Variants in SLC4A7 observed in about 807,000 individuals in gnomAD.
SLC4A7 encodes sodium bicarbonate cotransporter 3.
In SLC4A7, 51 loss-of-function variants were observed where a neutral mutation model predicts 137.6. That is an observed-to-expected ratio of 0.37 (90% CI 0.30 to 0.47). The LOEUF (loss-of-function observed/expected upper bound fraction) is 0.47, where lower values mean the gene tolerates loss of function less well. Ranked by LOEUF, SLC4A7 falls within the 20% of genes least tolerant of loss-of-function variation. The pLI is 1.00. For missense variants in SLC4A7, 1,247 were observed against 1,525.4 expected, an observed-to-expected ratio of 0.82 and a Z score of 3.04; for synonymous variants, 542 against 518.6, an observed-to-expected ratio of 1.05 and a Z score of -0.61.
intron 3 of SLC4A7, among the ~76,000 whole-genome samples, chr3:27,445,648 C>T (rs896616706): frequency 8.6e-4 from 130 of 150,776 alleles, no homozygotes; most frequent in African/African-American, 2.5e-3. Context: ...CTGGGCGCAG[C>T]GGCTCACACC....
chr3:27,429,290 C>T (rs547172489), intron 7 of SLC4A7, among the ~76,000 whole-genome samples: 2 of 152,000 alleles, frequency 1.3e-5, no homozygotes, highest in Admixed American at 6.6e-5. Flanking sequence ...GAGTTATAAA[C>T]CTTTTCTCCA....
At chr3:27,466,727 C>A (rs541236076) in intron 1 of SLC4A7, among the ~76,000 whole-genome samples, 54 of 151,914 alleles carry the variant, frequency 3.6e-4, no homozygotes, top group African/African-American at 1.3e-3. Flanking sequence ...CGTGCTGGTG[C>A]GCGCCTGTAG....
intron 7 of SLC4A7, among the ~76,000 whole-genome samples, chr3:27,428,452 T>C (rs2055889484): frequency 6.6e-6 from 1 of 152,236 alleles, no homozygotes; most frequent in Non-Finnish European, 1.5e-5. Flanking sequence ...TTATAACTAA[T>C]GTCATAATGA....
At chr3:27,430,550 G>A (rs569333851) in intron 7 of SLC4A7, among the ~76,000 whole-genome samples, 7 of 150,184 alleles carry the variant, frequency 4.7e-5, no homozygotes, top group African/African-American at 1.7e-4. Context: ...AGTCCAGGAG[G>A]TGGAGGTTAC....
At chr3:27,481,092 T>C (rs1447658238) in intron 1 of SLC4A7, among the ~76,000 whole-genome samples, 1 of 152,162 alleles carries the variant, frequency 6.6e-6, no homozygotes, top group East Asian at 1.9e-4. Flanking sequence ...GTAGATTACC[T>C]GCTAAAACTT....
chr3:27,378,498 G>C (rs902053322), intron 25 of SLC4A7, among the ~76,000 whole-genome samples: 1 of 152,176 alleles, frequency 6.6e-6, no homozygotes, highest in Non-Finnish European at 1.5e-5. Context: ...AAGTACTAAT[G>C]ATTACCAAAC....
At chr3:27,459,648 A>G (rs2058587750) in intron 1 of SLC4A7, among the ~76,000 whole-genome samples, 1 of 152,192 alleles carries the variant, frequency 6.6e-6, no homozygotes, top group South Asian at 2.1e-4. Flanking sequence ...TGTTTTATAT[A>G]TAACTTGCTT....
intron 23 of SLC4A7, among the ~76,000 whole-genome samples, chr3:27,384,060 G>C (rs2050697445): frequency 6.6e-6 from 1 of 152,120 alleles, no homozygotes; most frequent in African/African-American, 2.4e-5. Flanking sequence ...GTTAATAATG[G>C]CGGTGATCGA....
intron 1 of SLC4A7, among the ~76,000 whole-genome samples, chr3:27,452,833 T>C (rs991416988): frequency 1.3e-5 from 2 of 152,158 alleles, no homozygotes; most frequent in African/African-American, 4.8e-5. Flanking sequence ...GTGAGAGGAA[T>C]CCTTAGATGT....
In SLC4A7 at chr3:27,379,271, T is replaced by C. The variant is rs1486904535; in HGVS notation, c.3676A>G (p.Lys1226Glu). The change falls in exon 25 of 26, where the codon AAA (lysine) becomes GAA (glutamate). Residue 1226 changes from lysine (K) to glutamate (E), a missense_variant. Physicochemically the swap from Lys to Glu is moderately conservative, Grantham distance 56. Transcript: ENST00000454389. ...KALSMNTENA[K>E]VTRSNMSPDK... Reference sequence around the variant, plus strand: ...TACCTCATGTTAGATCTGGTTACTTTGGCATTCTCAGTATTCATGGAAAGT... The same window carrying C: ...TACCTCATGTTAGATCTGGTTACTTCGGCATTCTCAGTATTCATGGAAAGT... 2.6e-6 allele frequency: 4 copies of C among 1,533,210 alleles called. No homozygotes were observed. Among genetic ancestry groups the C allele is most frequent in the Non-Finnish European group, 2.6e-6 (3 of 1,144,190 alleles). The allele number at this position is 1,533,210 out of a possible 1,614,324, so 95.0% of individuals were successfully genotyped here.
In SLC4A7 at chr3:27,419,917, G is replaced by A. The variant is rs565618110; in HGVS notation, c.1512+783C>T. On this transcript the variant is annotated intron_variant, in intron 10 of 25. Transcript: ENST00000454389. ...GAGGACAGAAAAATGTGACAGGCGC[G>A]GTGGCTCACGCCTGTAATCCCAGCA... Among the ~76,000 whole-genome samples, 481 of 151,932 alleles carry A rather than the reference G, an allele frequency of 3.2e-3. 3 individuals are homozygous for A. The highest frequency in any genetic ancestry group is 0.011 in the African/African-American group (463 of 41,494).
At chr3:27,410,058 G>A (rs1047169861) in intron 12 of SLC4A7, among the ~76,000 whole-genome samples, 4 of 152,092 alleles carry the variant, frequency 2.6e-5, no homozygotes, top group African/African-American at 7.2e-5. Flanking sequence ...TCGTATAAAA[G>A]GGGGAAAGAA....
At chr3:27,405,579 T>C (rs971484659) in intron 13 of SLC4A7, among the ~76,000 whole-genome samples, 1 of 152,164 alleles carries the variant, frequency 6.6e-6, no homozygotes, top group African/African-American at 2.4e-5. Flanking sequence ...TAGTAAATAA[T>C]ATGGTGCTAC....
intron 11 of SLC4A7, 136 bp downstream of exon 11, chr3:27,418,350 G>A (rs970714240): frequency 1.5e-6 from 1 of 650,046 alleles, no homozygotes; most frequent in Non-Finnish European, 2.7e-6. Context: ...CCCACAGGAG[G>A]TAAGTATGGG....
chr3:27,377,139 G>C (rs928119537), intron 25 of SLC4A7, among the ~76,000 whole-genome samples: 3 of 151,918 alleles, frequency 2.0e-5, no homozygotes, highest in African/African-American at 7.2e-5. Flanking sequence ...GAATCTGTTG[G>C]ATTACTTTTA....
intron 1 of SLC4A7, among the ~76,000 whole-genome samples, chr3:27,483,533 C>T (rs1481161719): frequency 6.6e-6 from 1 of 152,220 alleles, no homozygotes; most frequent in Non-Finnish European, 1.5e-5. Context: ...CAAAGCGCAC[C>T]GCGGAGCGGG....
intron 3 of SLC4A7, among the ~76,000 whole-genome samples, chr3:27,443,022 T>C (rs2057323304): frequency 7.4e-6 from 1 of 135,096 alleles, no homozygotes; most frequent in Non-Finnish European, 1.5e-5. Context: ...ATTCTCTTTT[T>C]TCTTTTTTTC....
At chr3:27,456,765 AT>A in intron 1 of SLC4A7, 1 of 1,573,914 alleles carries the variant, frequency 6.4e-7, no homozygotes. Flanking sequence ...CACATATCTG[AT>A]TTAGGTCACT....
chr3:27,405,079 C>A, intron 13 of SLC4A7, 116 bp from the exon 14 acceptor site: 2 of 527,744 alleles, frequency 3.8e-6, no homozygotes, highest in Admixed American at 3.9e-5. Context: ...AGTTATAAAA[C>A]CAACACCACT....
Sources: gnomAD v4.1 joint callset for allele counts (sites outside exome capture counted in the v4.1 genomes callset) on GRCh38, gnomAD v4.1.1 for gene constraint, MANE v1.5 for transcripts, NCBI Gene and HGNC (gene_info 2026-07-23, HGNC 2026-07-21) for gene names.